The following PCDH11Y variants were observed in gnomAD, a reference collection of about 807,000 sequenced individuals.
The protein encoded by PCDH11Y is protocadherin 11 Y-linked.
For missense variants in PCDH11Y, 12 were observed against 224.8 expected, an observed-to-expected ratio of 0.05 and a Z score of 6.05; for synonymous variants, 9 against 83.6, an observed-to-expected ratio of 0.11 and a Z score of 4.87.
intron 2 of PCDH11Y, among the ~76,000 whole-genome samples, chrY:5,229,307 CTTTTTTTTTTTTT>C (rs34481930): frequency 6.4e-5 from 1 of 15,656 alleles, no homozygotes; most frequent in Non-Finnish European, 1.4e-4. Flanking sequence ...CTACGTGTGC[CTTTTTTTTTTTTT>C]TTTTTTTTTT....
At chrY:5,046,814 G>T in intron 3 of PCDH11Y, among the ~76,000 whole-genome samples, 1 of 33,580 alleles carries the variant, frequency 3.0e-5, no homozygotes, top group Admixed American at 2.6e-4. Flanking sequence ...TAATCTCGTG[G>T]TGCGCCGTTT....
At chrY:5,512,224 T>G (rs1602936288) in intron 3 of PCDH11Y, among the ~76,000 whole-genome samples, 13 of 33,601 alleles carry the variant, frequency 3.9e-4, no homozygotes, top group African/African-American at 1.5e-3. Flanking sequence ...ACGCCTATAA[T>G]CCCAGCACTT....
intron 2 of PCDH11Y, among the ~76,000 whole-genome samples, chrY:5,176,440 A>G: frequency 3.2e-5 from 1 of 31,449 alleles, no homozygotes; most frequent in South Asian, 7.5e-4. Flanking sequence ...TTGGACATGA[A>G]GTCCTTGCCC....
At chrY:5,238,375 GA>G (rs2052981129) in intron 2 of PCDH11Y, among the ~76,000 whole-genome samples, 2 of 33,266 alleles carry the variant, frequency 6.0e-5, no homozygotes, top group Non-Finnish European at 1.5e-4. Flanking sequence ...GCCATATGTA[GA>G]AAGCTGAAAC....
At chrY:5,534,163 T>A (rs2124692010) in intron 3 of PCDH11Y, among the ~76,000 whole-genome samples, 1 of 33,558 alleles carries the variant, frequency 3.0e-5, no homozygotes, top group Admixed American at 2.7e-4. Context: ...TTCTTCAGAT[T>A]GGATAATTGT....
intron 2 of PCDH11Y, among the ~76,000 whole-genome samples, chrY:5,205,661 A>AAT (rs1404714318): frequency 9.6e-3 from 223 of 23,291 alleles, no homozygotes; most frequent in African/African-American, 0.024. Flanking sequence ...TGAATATATA[A>AAT]ATATATATAT....
chrY:5,481,369 C>T, intron 2 of PCDH11Y, among the ~76,000 whole-genome samples: 1 of 31,821 alleles, frequency 3.1e-5, no homozygotes, highest in South Asian at 7.6e-4. Context: ...GGACCTACTG[C>T]CTAACCAGTT....
intron 2 of PCDH11Y, among the ~76,000 whole-genome samples, chrY:5,241,395 G>T (rs2124655534): frequency 3.1e-5 from 1 of 32,273 alleles, no homozygotes; most frequent in African/African-American, 1.2e-4. Flanking sequence ...TAACTTTTTG[G>T]CACAAGAAGC....
intron 4 of PCDH11Y, among the ~76,000 whole-genome samples, chrY:5,635,382 T>C: frequency 3.1e-5 from 1 of 32,124 alleles, no homozygotes; most frequent in Non-Finnish European, 7.6e-5. Flanking sequence ...TGACTGGTGA[T>C]CTTAGACTAT....
intron 2 of PCDH11Y, among the ~76,000 whole-genome samples, chrY:5,365,158 C>A (rs2053179087): frequency 3.0e-5 from 1 of 33,157 alleles, no homozygotes. Flanking sequence ...CCCTTTTACA[C>A]CTTTTTCTTG....
chrY:5,601,032 G>A (rs2124699515), intron 4 of PCDH11Y, among the ~76,000 whole-genome samples: 2 of 33,629 alleles, frequency 5.9e-5, no homozygotes, highest in Admixed American at 5.4e-4. Flanking sequence ...TATATATCAC[G>A]AAAAGGTAGA....
intron 1 of PCDH11Y, among the ~76,000 whole-genome samples, chrY:5,068,012 CAAAAAAAAAAAAA>C (rs144932625): frequency 9.2e-4 from 2 of 2,179 alleles, no homozygotes; most frequent in Non-Finnish European, 1.9e-3. Flanking sequence ...GACTCCATCT[CAAAAAAAAAAAAA>C]AAAAAAAAAA....
chrY:5,345,851 T>TGGTTTAGTAGA (rs2053151901), intron 2 of PCDH11Y, among the ~76,000 whole-genome samples: 1 of 31,868 alleles, frequency 3.1e-5, no homozygotes, highest in African/African-American at 1.2e-4. Flanking sequence ...TTAGTAGAGA[T>TGGTTTAGTAGA]GGGGTTTCAC....
intron 3 of PCDH11Y, among the ~76,000 whole-genome samples, chrY:5,524,440 C>T: frequency 1.9e-4 from 6 of 32,220 alleles, no homozygotes; most frequent in Non-Finnish European, 4.6e-4. Flanking sequence ...TTTTAAAATC[C>T]AAATATATTG....
At chrY:5,161,591 T>C in intron 2 of PCDH11Y, among the ~76,000 whole-genome samples, 1 of 33,247 alleles carries the variant, frequency 3.0e-5, no homozygotes, top group Non-Finnish European at 7.5e-5. Flanking sequence ...AATATTGTCT[T>C]GGATCTAAAG....
At chrY:5,655,389 T>C in intron 4 of PCDH11Y, among the ~76,000 whole-genome samples, 2 of 32,506 alleles carry the variant, frequency 6.2e-5, no homozygotes, top group African/African-American at 1.2e-4. Context: ...TGAAATTCTT[T>C]CTTCAGTTTG....
chrY:5,451,867 A>C, intron 2 of PCDH11Y, among the ~76,000 whole-genome samples: 2 of 32,982 alleles, frequency 6.1e-5, no homozygotes, highest in African/African-American at 1.2e-4. Flanking sequence ...CGGAAAGACC[A>C]TCTTCAGGGT....
chrY:5,133,997 A>G, intron 2 of PCDH11Y, among the ~76,000 whole-genome samples: 1 of 31,884 alleles, frequency 3.1e-5, no homozygotes, highest in Non-Finnish European at 7.7e-5. Flanking sequence ...AACATGGAGT[A>G]TTTTTCCATT....
intron 2 of PCDH11Y, among the ~76,000 whole-genome samples, chrY:5,424,828 C>A: frequency 1.3e-4 from 4 of 31,917 alleles, no homozygotes; most frequent in African/African-American, 4.9e-4. Context: ...AGGTGCCCCC[C>A]ACCACACTGG....
Sources: allele counts gnomAD v4.1 joint callset (sites outside exome capture counted in the v4.1 genomes callset), GRCh38; gene constraint gnomAD v4.1.1; transcripts MANE v1.5; gene names NCBI Gene and HGNC (gene_info 2026-07-23, HGNC 2026-07-21).